Variants in CALCRL observed in about 807,000 individuals in gnomAD.
The protein encoded by CALCRL is calcitonin gene-related peptide type 1 receptor.
Under a neutral mutation model 60.4 loss-of-function variants are expected in CALCRL, and 27 were observed. The ratio of observed to expected loss-of-function variants is 0.45; its 90% CI spans 0.33 to 0.62. The LOEUF is 0.62. Ranked by LOEUF, CALCRL falls within the 20% of genes least tolerant of loss-of-function variation. The pLI is 0.03. For synonymous variants in CALCRL, 190 were observed against 182.6 expected (o/e 1.04, Z -0.33); for missense variants, 424 against 540.7 (o/e 0.78, Z 2.14).
In CALCRL at chr2:187,352,151, A is replaced by T; in HGVS notation, c.1091T>A (p.Val364Glu). The T allele has an allele frequency of 1.2e-6, 2 of 1,612,356 alleles. No homozygotes were observed. The highest frequency in any genetic ancestry group is 1.7e-6 in the Non-Finnish European group (2 of 1,178,894). ...WRPEGKIAEE[V>E]YDYIMHILMH... The stretch of plus-strand genomic sequence containing the variant: ...AAGGATGTGCATGATGTAGTCATAT[A>T]CCTCCTCTGCAATCTTTCCTTCAGG... The change falls in exon 13 of 15, where the codon GTA becomes GAA. Residue 364 changes from valine to glutamate, a missense_variant. Coordinates refer to ENST00000392370, the MANE Select transcript of CALCRL (RefSeq NM_005795.6).
Position 187,400,878 on chromosome 2 carries a change from CAAG to C in CALCRL, c.-292-13125_-292-13123del, listed in dbSNP as rs547955266. 2.8e-4 allele frequency among the ~76,000 whole-genome samples: 42 copies of C among 151,504 alleles called. No individual in the cohort carries two copies. The South Asian group carries it at 7.9e-3, about 29-fold the overall frequency. ...GAGCTATTGGGGGTTACCTAGGACT[CAAG>C]GAGTGTGGCAATAGAGAGTGATTGC... is the stretch of plus-strand genomic sequence containing the variant. On this transcript the variant is annotated intron_variant, in intron 1 of 14. Transcript: ENST00000392370.
chr2:187,351,637 A>G (rs1686537611), intron 14 of CALCRL, among the ~76,000 whole-genome samples: 1 of 151,834 alleles, frequency 6.6e-6, no homozygotes, highest in Non-Finnish European at 1.5e-5. Context: ...AAAAGCTCAG[A>G]CTTAATGGGA....
intron 8 of CALCRL, among the ~76,000 whole-genome samples, chr2:187,369,380 T>G (rs1004283927): frequency 2.6e-5 from 4 of 152,158 alleles, no homozygotes; most frequent in Non-Finnish European, 5.9e-5. Context: ...GCAGCCACGA[T>G]TTTTGAAACC....
At chr2:187,382,490 T>C (rs577879160) in intron 5 of CALCRL, among the ~76,000 whole-genome samples, 3 of 152,204 alleles carry the variant, frequency 2.0e-5, no homozygotes, top group African/African-American at 7.2e-5. Flanking sequence ...ATCTAAAGAG[T>C]GTTAAATTTT....
intron 1 of CALCRL, among the ~76,000 whole-genome samples, chr2:187,438,294 C>T (rs2105904985): frequency 6.6e-6 from 1 of 152,070 alleles, no homozygotes; most frequent in South Asian, 2.1e-4. Context: ...TAAAAGAGTC[C>T]TTTGGCTGTA....
intron 12 of CALCRL, among the ~76,000 whole-genome samples, chr2:187,357,341 A>G (rs1015221032): frequency 2.0e-5 from 3 of 152,040 alleles, no homozygotes; most frequent in Admixed American, 6.6e-5. Flanking sequence ...GAATGAATTC[A>G]TGTCCTATGC....
At chr2:187,424,022 G>A (rs1426749711) in intron 1 of CALCRL, among the ~76,000 whole-genome samples, 3 of 151,868 alleles carry the variant, frequency 2.0e-5, no homozygotes, top group Non-Finnish European at 4.4e-5. Context: ...GTTAGGTGTT[G>A]GTTACCCAAT....
At chr2:187,398,837 G>A (rs1688764098) in intron 1 of CALCRL, among the ~76,000 whole-genome samples, 1 of 151,628 alleles carries the variant, frequency 6.6e-6, no homozygotes, top group African/African-American at 2.4e-5. Context: ...GTTAAAAAAT[G>A]TGGTCAAGTG....
chr2:187,394,812 AC>A (rs1368635620), intron 1 of CALCRL, among the ~76,000 whole-genome samples: 24 of 152,200 alleles, frequency 1.6e-4, no homozygotes, highest in African/African-American at 5.5e-4. Flanking sequence ...CAGTTCTTAT[AC>A]ACTTAAACTC....
At chr2:187,389,733 T>C (rs1052530744) in intron 1 of CALCRL, among the ~76,000 whole-genome samples, 2 of 152,152 alleles carry the variant, frequency 1.3e-5, no homozygotes, top group Admixed American at 1.3e-4. Context: ...TCTAACTGAA[T>C]ATTTTATTTA....
intron 1 of CALCRL, among the ~76,000 whole-genome samples, chr2:187,398,515 A>G (rs1688752505): frequency 6.6e-6 from 1 of 151,558 alleles, no homozygotes; most frequent in African/African-American, 2.4e-5. Flanking sequence ...TGATTAGCAC[A>G]TCTTCTTTAT....
At chr2:187,436,471 T>C (rs946081549) in intron 1 of CALCRL, 2 of 152,192 alleles carry the variant, frequency 1.3e-5, no homozygotes, top group African/African-American at 4.8e-5. Context: ...TCTCGACCAA[T>C]TGGGTTCAAT....
intron 8 of CALCRL, among the ~76,000 whole-genome samples, chr2:187,364,492 T>C (rs72902423): frequency 6.6e-6 from 1 of 151,998 alleles, no homozygotes; most frequent in Non-Finnish European, 1.5e-5. Context: ...AATATGCTAT[T>C]AATATGGTCA....
intron 12 of CALCRL, among the ~76,000 whole-genome samples, chr2:187,355,663 C>T (rs547696186): frequency 1.2e-4 from 18 of 151,634 alleles, no homozygotes; most frequent in Admixed American, 4.6e-4. Flanking sequence ...ATAACTTGAT[C>T]GCAGCTGTAA....
At chr2:187,385,392 A>C (rs543181199) in intron 4 of CALCRL, among the ~76,000 whole-genome samples, 153 bp downstream of exon 4, 1 of 152,248 alleles carries the variant, frequency 6.6e-6, no homozygotes, top group African/African-American at 2.4e-5. Context: ...TAGGACTAAA[A>C]GCATACACCG....
At chr2:187,425,711 G>C (rs1690089318) in intron 1 of CALCRL, among the ~76,000 whole-genome samples, 1 of 151,896 alleles carries the variant, frequency 6.6e-6, no homozygotes, top group Non-Finnish European at 1.5e-5. Context: ...AAAGATGAAT[G>C]AAACACTCTA....
At chr2:187,367,369 C>T (rs182186293) in intron 8 of CALCRL, among the ~76,000 whole-genome samples, 15 of 152,204 alleles carry the variant, frequency 9.9e-5, no homozygotes, top group Non-Finnish European at 1.9e-4. Flanking sequence ...CCATTTCTAC[C>T]TCCAGGCACT....
At chr2:187,430,930 C>CATATATATACATATATATATACATAT (rs1690377593) in intron 1 of CALCRL, among the ~76,000 whole-genome samples, 4 of 151,798 alleles carry the variant, frequency 2.6e-5, no homozygotes, top group Non-Finnish European at 5.9e-5. Context: ...AGTATATATA[C>CATATATATACATATATATATACATAT]ATATAATATA....
intron 8 of CALCRL, among the ~76,000 whole-genome samples, chr2:187,366,249 CAAAAAAA>C (rs59586461): frequency 1.1e-5 from 1 of 94,622 alleles, no homozygotes. Context: ...GACTCCGTCT[CAAAAAAA>C]AAAAAAAAAA....
Sources: gnomAD v4.1 joint callset for allele counts (sites outside exome capture counted in the v4.1 genomes callset) on GRCh38, gnomAD v4.1.1 for gene constraint, MANE v1.5 for transcripts, NCBI Gene and HGNC (gene_info 2026-07-23, HGNC 2026-07-21) for gene names.